SLC22A12: variants seen among roughly 807,000 people sequenced by gnomAD.
SLC22A12 encodes organic anion transporter 4-like protein.
A neutral mutation model predicts 52.7 loss-of-function variants in SLC22A12; 56 were observed. The ratio of observed to expected loss-of-function variants is 1.06; its 90% CI spans 0.86 to 1.33. The LOEUF is 1.33. Among genes scored for constraint, SLC22A12 ranks in the 40% most tolerant of loss-of-function variants. The pLI, the probability that SLC22A12 is intolerant of heterozygous loss-of-function variation, is 0.00. For missense variants in SLC22A12, 683 were observed against 741.5 expected, an observed-to-expected ratio of 0.92 and a Z score of 0.92; for synonymous variants, 337 against 324.6, an observed-to-expected ratio of 1.04 and a Z score of -0.41.
In SLC22A12 at chr11:64,595,036, ATGGATGGATGGGTGG is replaced by A. The variant is rs2039075356; in HGVS notation, c.830+1234_830+1248del. ...ATGGATGGATGGTTGGAATAGATGG[ATGGATGGATGGGTGG>A]ATGGATGGATGGATGGATGGATGGA... On this transcript the variant is annotated intron_variant, in intron 4 of 9. Coordinates refer to ENST00000377574, the MANE Select transcript of SLC22A12 (RefSeq NM_144585.4). Among the ~76,000 whole-genome samples, 5 of 88,532 alleles carry A rather than the reference ATGGATGGATGGGTGG, an allele frequency of 5.6e-5. No homozygotes were observed. The South Asian group carries it at 2.4e-3, about 43-fold the overall frequency. 58.1% of individuals were successfully genotyped at this position (88,532 alleles called of 152,430 possible). A position where few individuals can be genotyped will look rare whatever the true frequency, so the allele number is the denominator to read the frequency against.
At chr11:64,594,969 A>AGATGGATGGATGGATGGGTGGATGGATG (rs2039062804) in intron 4 of SLC22A12, among the ~76,000 whole-genome samples, 1 of 9,804 alleles carries the variant, frequency 1.0e-4, no homozygotes, top group Admixed American at 1.7e-3. Context: ...TGGTTGGAAT[A>AGATGGATGGATGGATGGGTGGATGGATG]GATGGATGGA....
At position 64,601,707 on chromosome 11, in the gene SLC22A12, C is replaced by T; in HGVS notation, c.*156C>T. On this transcript the variant is annotated 3_prime_UTR_variant, in exon 10 of 10. Transcript: ENST00000377574. ...CCAGGGCTGCCCCTCCAGGTGAGCC[C>T]TGCCCCTCTCACAGTCCAAGGGGCC... 1.3e-6 allele frequency: 1 copy of T among 782,068 alleles called. No individual in the cohort carries two copies. The highest frequency in any genetic ancestry group is 1.5e-5 in the South Asian group (1 of 66,146). 48.4% of individuals were successfully genotyped at this position (782,068 alleles called of 1,614,324 possible). A position where few individuals can be genotyped will look rare whatever the true frequency, so the allele number is the denominator to read the frequency against.
intron 5 of SLC22A12, 24 bp downstream of exon 5, chr11:64,598,663 C>A (rs763213612): frequency 1.2e-6 from 2 of 1,606,356 alleles, no homozygotes; most frequent in Non-Finnish European, 1.7e-6. Context: ...CTCCTCAAAC[C>A]CGGACCCTCA....
chr11:64,600,597 C>T, intron 8 of SLC22A12, 122 bp downstream of exon 8: 1 of 1,401,184 alleles, frequency 7.1e-7, no homozygotes, highest in South Asian at 1.2e-5. Context: ...CTTGTGTGGT[C>T]CCCGGGGCTG....
intron 4 of SLC22A12, among the ~76,000 whole-genome samples, chr11:64,598,066 A>C (rs1469525147): frequency 1.3e-5 from 2 of 152,032 alleles, no homozygotes; most frequent in Non-Finnish European, 2.9e-5. Flanking sequence ...GCCATGTGGT[A>C]TGGGAGGTGC....
intron 9 of SLC22A12, 89 bp from the exon 10 acceptor site, chr11:64,601,399 C>A (rs2039450242): frequency 7.4e-7 from 1 of 1,345,042 alleles, no homozygotes; most frequent in Non-Finnish European, 1.0e-6. Context: ...AGGGTGGTGG[C>A]ATTCCCTGGA....
chr11:64,595,853 A>ATGGATGGT (rs2039169586), intron 4 of SLC22A12, among the ~76,000 whole-genome samples: 1 of 148,992 alleles, frequency 6.7e-6, no homozygotes, highest in African/African-American at 2.5e-5. Context: ...GGATGGATGG[A>ATGGATGGT]TGGATAGTTG....
At position 64,598,453 on chromosome 11, in the gene SLC22A12, C is replaced by T. The variant is rs2039323422; in HGVS notation, c.831-63C>T. The T allele has an allele frequency of 1.9e-6, 3 of 1,547,180 alleles. No individual in the cohort carries two copies. In the East Asian group the frequency reaches 7.3e-5, roughly 38 times the overall value. On this transcript the variant is annotated intron_variant, in intron 4 of 9. Transcript: ENST00000377574. ...GTGGGTACAGGGTAGCAGTCTGAGG[C>T]TGGCGCAGGCCAGGCACTGGGGGCC...
Position 64,601,489 on chromosome 11 carries a change from G to T in SLC22A12, c.1600G>T (p.Ala534Ser), listed in dbSNP as rs775953526. 2 of 1,612,964 alleles carry T rather than the reference G, an allele frequency of 1.2e-6. No homozygotes were observed. The highest frequency in any genetic ancestry group is 4.5e-5 in the East Asian group (2 of 44,866). Residue 534 changes from alanine (A) to serine (S), a missense_variant and splice_region_variant, in exon 10 of 10, where the codon GCA (alanine) becomes TCA (serine). Physicochemically the swap from Ala to Ser is moderately conservative, Grantham distance 99. Coordinates refer to ENST00000377574, the MANE Select transcript of SLC22A12 (RefSeq NM_144585.4). ...CACCCCCGTGTGCTTCCTGAACAGGGCAGTAAAGAAGGCAACACATGGCAC... is the reference window on the plus strand; with the variant it reads ...CACCCCCGTGTGCTTCCTGAACAGGTCAGTAAAGAAGGCAACACATGGCAC... Reference protein sequence around the residue: ...PDTIQDVQNQAVKKATHGTLG... With the variant: ...PDTIQDVQNQSVKKATHGTLG...
chr11:64,593,853 C>G, intron 4 of SLC22A12, 50 bp downstream of exon 4: 1 of 1,584,658 alleles, frequency 6.3e-7, no homozygotes, highest in Non-Finnish European at 8.5e-7. Flanking sequence ...TGCCCACTCT[C>G]CACCCGGGGG....
chr11:64,600,639 C>A lies in SLC22A12; in HGVS notation c.1395-96C>A, dbSNP rs2039424361. 2.4e-5 allele frequency: 38 copies of A among 1,564,360 alleles called. 1 individual carries two copies. In the South Asian group the frequency reaches 4.2e-4, roughly 17 times the overall value. ...TGCATCCCAAGCCCAGCCTGACCCC[C>A]TGGGTCTCCCTGGGCCAAGCGGGCC... On this transcript the variant is annotated intron_variant, in intron 8 of 9. Coordinates refer to ENST00000377574, the MANE Select transcript of SLC22A12 (RefSeq NM_144585.4).
intron 4 of SLC22A12, among the ~76,000 whole-genome samples, chr11:64,594,995 A>T (rs867023607): frequency 8.1e-6 from 1 of 122,996 alleles, no homozygotes; most frequent in Non-Finnish European, 1.7e-5. Flanking sequence ...GGGTGGATGG[A>T]TGGATGGATG....
Position 64,591,626 on chromosome 11 carries a change from C to G in SLC22A12, c.70C>G (p.Leu24Val). The G allele has an allele frequency of 6.2e-7, 1 of 1,613,306 alleles. No individual in the cohort carries two copies. The highest frequency in any genetic ancestry group is 1.3e-5 in the African/African-American group (1 of 75,060). The change falls in exon 1 of 10, where the codon CTG becomes GTG. Residue 24 changes from leucine (L) to valine (V), a missense_variant. By Grantham distance (32) the Leu-to-Val change is conservative. Coordinates refer to ENST00000377574, the MANE Select transcript of SLC22A12 (RefSeq NM_144585.4). ...GTTCCAGGTTCTCCAGACGATGGCTCTGATGGTCTCCATCATGTGGCTGTG... is the reference window on the plus strand; with the variant it reads ...GTTCCAGGTTCTCCAGACGATGGCTGTGATGGTCTCCATCATGTGGCTGTG... ...GRFQVLQTMALMVSIMWLCTQ... is the reference protein window; with the variant it reads ...GRFQVLQTMAVMVSIMWLCTQ...
chr11:64,600,616 C>A, intron 8 of SLC22A12, 119 bp from the exon 9 acceptor site: 1 of 1,473,362 alleles, frequency 6.8e-7, no homozygotes, highest in Non-Finnish European at 9.3e-7. Context: ...TGCTCAGGTG[C>A]ATCCCAAGCC....
At chr11:64,595,252 G>T (rs1362507443) in intron 4 of SLC22A12, among the ~76,000 whole-genome samples, 1 of 112,260 alleles carries the variant, frequency 8.9e-6, no homozygotes, top group Non-Finnish European at 1.8e-5. Flanking sequence ...ATGGATGGAT[G>T]GAATGGATGG....
rs755253783 is a variant in SLC22A12, at chr11:64,591,764, G to A, written c.208G>A (p.Glu70Lys). The A allele has an allele frequency of 2.4e-5, 38 of 1,612,826 alleles. No homozygotes were observed. In the Middle Eastern group the frequency reaches 6.6e-4, roughly 28 times the overall value. Reference sequence around the variant, plus strand: ...CAGCATCCTAGGGAGCTTGAGTCCTGAGGCCCTCCTGGCTATTTCCATCCC... The same window carrying A: ...CAGCATCCTAGGGAGCTTGAGTCCTAAGGCCCTCCTGGCTATTTCCATCCC... ...QASILGSLSPEALLAISIPPG... is the reference protein window; with the variant it reads ...QASILGSLSPKALLAISIPPG... The change falls in exon 1 of 10, where the codon GAG (glutamate) becomes AAG (lysine). Residue 70 changes from glutamate to lysine, a missense_variant. Transcript: ENST00000377574.
In SLC22A12 at chr11:64,591,480, C is replaced by T. The variant is rs760971535; in HGVS notation, c.-77C>T. The T allele has an allele frequency of 6.2e-5, 99 of 1,585,896 alleles. No individual in the cohort carries two copies. Among genetic ancestry groups the T allele is most frequent in the Non-Finnish European group, 8.0e-5 (93 of 1,169,264 alleles). Reference sequence around the variant, plus strand: ...TGGGCACCACCGTGGGGGAAACAGGCCCGTTGCCCTGGCCTCTTTGCCCTG... The same window carrying T: ...TGGGCACCACCGTGGGGGAAACAGGTCCGTTGCCCTGGCCTCTTTGCCCTG... On this transcript the variant is annotated 5_prime_UTR_variant, in exon 1 of 10. Coordinates refer to ENST00000377574, the MANE Select transcript of SLC22A12 (RefSeq NM_144585.4).
In SLC22A12 at chr11:64,601,933, A is replaced by T. The variant is rs2039466864; in HGVS notation, c.*382A>T. 5.7e-6 allele frequency: 2 copies of T among 349,130 alleles called. No individual in the cohort carries two copies. The highest frequency in any genetic ancestry group is 2.1e-5 in the African/African-American group (1 of 46,774). 21.6% of individuals were successfully genotyped at this position (349,130 alleles called of 1,614,324 possible). A position where few individuals can be genotyped will look rare whatever the true frequency, so the allele number is the denominator to read the frequency against. On this transcript the variant is annotated 3_prime_UTR_variant, in exon 10 of 10. Coordinates refer to ENST00000377574, the MANE Select transcript of SLC22A12 (RefSeq NM_144585.4). The stretch of plus-strand genomic sequence containing the variant: ...TCCACCTGCCCAGAGCTCAGAGCTA[A>T]CCACCATCCATGGTCAAGACCTCTC...
In SLC22A12 at chr11:64,599,818, C is replaced by G. The variant is rs563239942; in HGVS notation, c.1213C>G (p.Arg405Gly). 17 of 1,612,780 alleles carry G rather than the reference C, an allele frequency of 1.1e-5. No homozygotes were observed. Among genetic ancestry groups the G allele is most frequent in the Non-Finnish European group, 1.4e-5 (17 of 1,179,942 alleles). The change falls in exon 7 of 10, where the codon CGC becomes GGC. Residue 405 changes from arginine (R) to glycine (G), a missense_variant. Arg to Gly is a moderately radical substitution (Grantham distance 125). Coordinates refer to ENST00000377574, the MANE Select transcript of SLC22A12 (RefSeq NM_144585.4). The stretch of plus-strand genomic sequence containing the variant: ...CCTGCTGCTGCTGAGCCACCTGGGC[C>G]GCCGCCCCACGCTGGCCGCATCCCT... ...GALLLLSHLG[R>G]RPTLAASLLL...
Sources: gnomAD v4.1 joint callset for allele counts (sites outside exome capture counted in the v4.1 genomes callset) on GRCh38, gnomAD v4.1.1 for gene constraint, MANE v1.5 for transcripts, NCBI Gene and HGNC (gene_info 2026-07-23, HGNC 2026-07-21) for gene names.